COL4A4: variants seen among roughly 807,000 people sequenced by gnomAD.
COL4A4 encodes collagen alpha-4(IV) chain.
COL4A4 carries 105 observed loss-of-function variants against 192.9 expected under a neutral mutation model. The ratio of observed to expected loss-of-function variants is 0.54; its 90% CI spans 0.46 to 0.64. COL4A4 has a LOEUF of 0.64. Among genes scored for constraint, COL4A4 ranks in the 30% least tolerant of loss-of-function variants. COL4A4 has a pLI of 0.00. For missense variants in COL4A4, 1,967 were observed against 2,169.3 expected (o/e 0.91, Z 1.85); for synonymous variants, 762 against 769.9 (o/e 0.99, Z 0.17).
the COL4A4 span, among the ~76,000 whole-genome samples, chr2:226,991,079 A>G: frequency 6.6e-6 from 1 of 152,258 alleles, no homozygotes; most frequent in African/African-American, 2.4e-5. Flanking sequence ...CTCAGAAGAC[A>G]GATATTTAGT....
intron 1 of COL4A4, among the ~76,000 whole-genome samples, chr2:227,151,235 CTTATGA>C (rs1336313960): frequency 2.6e-5 from 4 of 152,126 alleles, no homozygotes; most frequent in African/African-American, 7.2e-5. Flanking sequence ...CAACAAAATA[CTTATGA>C]TTATGTCTCT....
intron 19 of COL4A4, among the ~76,000 whole-genome samples, chr2:227,096,036 G>A (rs1475498628): frequency 1.3e-5 from 2 of 152,142 alleles, no homozygotes; most frequent in Non-Finnish European, 2.9e-5. Flanking sequence ...GCCATCACGG[G>A]AGCTCTGTCC....
Position 227,152,817 on chromosome 2 carries a change from G to A in COL4A4, c.-101-5233C>T, listed in dbSNP as rs545741931. 2.4e-4 allele frequency among the ~76,000 whole-genome samples: 37 copies of A among 152,262 alleles called. No individual in the cohort carries two copies. In the South Asian group the frequency reaches 3.1e-3, roughly 13 times the overall value. ...GCATTCCACTCATCTACCTTCCCAC[G>A]AATGAATAGGTGTCATCATGTGGGA... On this transcript the variant is annotated intron_variant, in intron 1 of 47. Transcript: ENST00000396625.
intron 26 of COL4A4, among the ~76,000 whole-genome samples, chr2:227,060,725 A>ATTTTT (rs11458771): frequency 7.2e-6 from 1 of 139,058 alleles, no homozygotes. Flanking sequence ...GTAATAGAGA[A>ATTTTT]TTTTTTTTTT....
intron 25 of COL4A4, among the ~76,000 whole-genome samples, chr2:227,067,164 T>G (rs1037248904): frequency 6.6e-6 from 1 of 152,064 alleles, no homozygotes; most frequent in Non-Finnish European, 1.5e-5. Flanking sequence ...CAAGAAGAGC[T>G]AACTATCCTA....
downstream of COL4A4, among the ~76,000 whole-genome samples, chr2:227,001,857 A>AATG (rs767160350): frequency 2.0e-5 from 3 of 152,160 alleles, no homozygotes; most frequent in Non-Finnish European, 4.4e-5. Flanking sequence ...CCCAAATACC[A>AATG]ATGAAGTTCC....
chr2:227,047,603 A>G (rs1230595908), intron 34 of COL4A4, 54 bp from the exon 35 acceptor site: 2 of 1,242,344 alleles, frequency 1.6e-6, no homozygotes, highest in African/African-American at 1.5e-5. Flanking sequence ...ATTTGGTCTC[A>G]TACAGGTGAC....
intron 25 of COL4A4, among the ~76,000 whole-genome samples, chr2:227,068,457 C>T (rs1480430481): frequency 6.6e-6 from 1 of 152,098 alleles, no homozygotes; most frequent in Non-Finnish European, 1.5e-5. Context: ...AACATTGATG[C>T]AAAAATCCTC....
chr2:227,147,709 A>G, intron 1 of COL4A4, 125 bp from the exon 2 acceptor site: 1 of 457,660 alleles, frequency 2.2e-6, no homozygotes. Context: ...TTCCTTAGTG[A>G]TGGTGAAACT....
rs2149696559 is a variant in COL4A4, at chr2:227,004,819, A to G, written c.*2506T>C. 6.6e-6 allele frequency: 1 copy of G among 152,410 alleles called. No homozygotes were observed. The highest frequency in any genetic ancestry group is 1.5e-5 in the Non-Finnish European group (1 of 68,106). The allele number at this position is 152,410 out of a possible 1,614,324, so 9.4% of individuals were successfully genotyped here. A position where few individuals can be genotyped will look rare whatever the true frequency, so the allele number is the denominator to read the frequency against. Reference sequence around the variant, plus strand: ...ACGGGCACAGAACAGAACAGTTCCCATTAGGGCAATCTAGGCACGTTCCAG... The same window carrying G: ...ACGGGCACAGAACAGAACAGTTCCCGTTAGGGCAATCTAGGCACGTTCCAG... On this transcript the variant is annotated 3_prime_UTR_variant, in exon 48 of 48. Coordinates refer to ENST00000396625, the MANE Select transcript of COL4A4 (RefSeq NM_000092.5).
chr2:226,990,286 G>C, the COL4A4 span, among the ~76,000 whole-genome samples: 3 of 152,252 alleles, frequency 2.0e-5, no homozygotes, highest in South Asian at 2.1e-4. Context: ...TTCATGGAAT[G>C]CTAATAAAGT....
the COL4A4 span, among the ~76,000 whole-genome samples, chr2:226,981,141 C>G: frequency 6.6e-6 from 1 of 152,102 alleles, no homozygotes; most frequent in South Asian, 2.1e-4. Flanking sequence ...ACCGCATGTT[C>G]TCACTCATAG....
intron 12 of COL4A4, among the ~76,000 whole-genome samples, chr2:227,104,967 T>A (rs1189060892): frequency 1.3e-5 from 2 of 151,744 alleles, no homozygotes; most frequent in African/African-American, 4.8e-5. Context: ...TAATTTTTGG[T>A]GGTGTGTGTA....
chr2:227,147,187 C>G (rs1360775287), intron 2 of COL4A4: 8 of 664,118 alleles, frequency 1.2e-5, no homozygotes, highest in African/African-American at 5.3e-5. Context: ...GGGGCCTTTC[C>G]TTGTGCAACT....
chr2:226,976,923 A>G, the COL4A4 span, among the ~76,000 whole-genome samples: 11 of 152,296 alleles, frequency 7.2e-5, no homozygotes, highest in East Asian at 1.9e-3. Flanking sequence ...CCTCCCATTG[A>G]AAGAGCCATT....
At chr2:227,063,030 C>T (rs984411890) in intron 25 of COL4A4, among the ~76,000 whole-genome samples, 6 of 152,140 alleles carry the variant, frequency 3.9e-5, no homozygotes, top group African/African-American at 1.4e-4. Context: ...ATGCTGAGTT[C>T]AGAAAATCTG....
intron 26 of COL4A4, among the ~76,000 whole-genome samples, chr2:227,060,723 G>T (rs13417499): frequency 0.21 from 29,796 of 139,118 alleles, 3,162 homozygotes; most frequent in African/African-American, 0.31. Flanking sequence ...AAGTAATAGA[G>T]AATTTTTTTT....
intron 27 of COL4A4, 22 bp downstream of exon 27, chr2:227,060,114 A>AC (rs1553644209): frequency 8.8e-5 from 113 of 1,289,406 alleles, no homozygotes; most frequent in Middle Eastern, 2.2e-4. Flanking sequence ...AAAAAAAAAA[A>AC]AAAAAAAAAA....
intron 1 of COL4A4, among the ~76,000 whole-genome samples, chr2:227,151,904 T>C (rs2063973915): frequency 6.6e-6 from 1 of 152,232 alleles, no homozygotes; most frequent in Non-Finnish European, 1.5e-5. Flanking sequence ...CCTCCAGCAC[T>C]GTGAGCAATA....
Sources: gnomAD v4.1 joint callset for allele counts (sites outside exome capture counted in the v4.1 genomes callset) on GRCh38, gnomAD v4.1.1 for gene constraint, MANE v1.5 for transcripts, NCBI Gene and HGNC (gene_info 2026-07-23, HGNC 2026-07-21) for gene names.